Variants in PHLPP2 observed in about 807,000 individuals in gnomAD.
PHLPP2 encodes PH domain and leucine rich repeat protein phosphatase 2, also known as PH domain leucine-rich repeat-containing protein phosphatase 2.
PHLPP2 carries 66 observed loss-of-function variants against 124.9 expected under a neutral mutation model. The observed-to-expected ratio is 0.53, with a 90% CI of 0.43 to 0.65. PHLPP2 has a LOEUF of 0.65. PHLPP2 is among the 30% of genes least tolerant of loss of function. The pLI, the probability that PHLPP2 is intolerant of heterozygous loss-of-function variation, is 0.00. For missense variants in PHLPP2, 1,685 were observed against 1,600.4 expected, an observed-to-expected ratio of 1.05 and a Z score of -0.90; for synonymous variants, 681 against 624.7, an observed-to-expected ratio of 1.09 and a Z score of -1.34.
chr16:71,651,965 C>T (rs1322150597), intron 18 of PHLPP2, among the ~76,000 whole-genome samples: 9 of 152,096 alleles, frequency 5.9e-5, no homozygotes, highest in Non-Finnish European at 2.9e-5. Context: ...ATCTAGGTGA[C>T]CTTGGGTTTG....
intron 15 of PHLPP2, among the ~76,000 whole-genome samples, chr16:71,657,939 T>C (rs975451127): frequency 5.3e-5 from 8 of 152,218 alleles, no homozygotes; most frequent in East Asian, 1.9e-4. Flanking sequence ...ATGGATGAAC[T>C]TGTATTGTCT....
chr16:71,695,500 G>A (rs1013940367), intron 3 of PHLPP2, among the ~76,000 whole-genome samples: 5 of 152,168 alleles, frequency 3.3e-5, no homozygotes, highest in Non-Finnish European at 5.9e-5. Context: ...CCTGAGGTCA[G>A]GAGTTCAAGA....
rs112608192 is a variant in PHLPP2, at chr16:71,663,782, G to C, written c.1985+117C>G. On this transcript the variant is annotated intron_variant, in intron 13 of 18. Transcript: ENST00000568954. ...TTGCCACTCAACTAGTGAAATCATA[G>C]CATCTGTAAGTCAGTGAACGTAAAC... 0.016 allele frequency: 11,992 copies of C among 767,550 alleles called. 133 individuals are homozygous for C. The highest frequency in any genetic ancestry group is 0.019 in the Non-Finnish European group (8,851 of 455,456). 47.5% of individuals were successfully genotyped at this position (767,550 alleles called of 1,614,324 possible). A position where few individuals can be genotyped will look rare whatever the true frequency, so the allele number is the denominator to read the frequency against.
intron 2 of PHLPP2, among the ~76,000 whole-genome samples, chr16:71,707,251 G>A (rs780646789): frequency 8.6e-5 from 13 of 151,990 alleles, no homozygotes; most frequent in African/African-American, 2.4e-4. Flanking sequence ...CACCGCGCCC[G>A]GCCAAGATAC....
At chr16:71,667,919 A>G (rs1391015796) in intron 11 of PHLPP2, among the ~76,000 whole-genome samples, 1 of 152,180 alleles carries the variant, frequency 6.6e-6, no homozygotes, top group African/African-American at 2.4e-5. Flanking sequence ...ATAGAAAATA[A>G]CATTTTATAC....
At chr16:71,704,468 C>T (rs556564141) in intron 2 of PHLPP2, among the ~76,000 whole-genome samples, 3 of 151,820 alleles carry the variant, frequency 2.0e-5, no homozygotes, top group Non-Finnish European at 4.4e-5. Context: ...AACTACAAAG[C>T]TGAACATAAA....
chr16:71,669,354 C>T lies in PHLPP2; in HGVS notation c.1549G>A (p.Val517Ile). ...TTTGCTTCACAGGCCCAGTCAGGGA[C>T]ACACTCTAGCAGGTTTCTGCAGAAA... ...LDLSRNLLECVPDWACEAKKI... is the reference protein window; with the variant it reads ...LDLSRNLLECIPDWACEAKKI... The change falls in exon 11 of 19, where the codon GTC becomes ATC. Residue 517 changes from valine to isoleucine, a missense_variant. Val to Ile is a conservative substitution (Grantham distance 29). Transcript: ENST00000568954. The T allele has an allele frequency of 6.2e-7, 1 of 1,610,246 alleles. No homozygotes were observed. The highest frequency in any genetic ancestry group is 8.5e-7 in the Non-Finnish European group (1 of 1,178,206).
In PHLPP2 at chr16:71,648,490, C is replaced by G. The variant is rs1020175914; in HGVS notation, c.*400G>C. ...ATGGTTTAGAAATGTAGACGCAGGG[C>G]TGGGCATGGTGGCTGAGGCCTGTAA... On this transcript the variant is annotated 3_prime_UTR_variant, in exon 19 of 19. Coordinates refer to ENST00000568954, the MANE Select transcript of PHLPP2 (RefSeq NM_015020.3). The G allele has an allele frequency of 1.0e-5, 2 of 195,640 alleles. No homozygotes were observed. The highest frequency in any genetic ancestry group is 4.7e-5 in the African/African-American group (2 of 43,004). 12.1% of individuals were successfully genotyped at this position (195,640 alleles called of 1,614,324 possible).
At chr16:71,709,873 G>A (rs748701026) in intron 2 of PHLPP2, among the ~76,000 whole-genome samples, 6 of 151,840 alleles carry the variant, frequency 4.0e-5, no homozygotes, top group African/African-American at 7.3e-5. Flanking sequence ...TCTCTCTGTC[G>A]CCCAGGCTGG....
chr16:71,653,001 T>C lies in PHLPP2; in HGVS notation c.2606A>G (p.Gln869Arg), dbSNP rs139087912. The C allele has an allele frequency of 1.9e-5, 30 of 1,612,588 alleles. No individual in the cohort carries two copies. The African/African-American group carries it at 3.3e-4, about 18-fold the overall frequency. The stretch of plus-strand genomic sequence containing the variant: ...CAGGAGAGCGGAGGAGCCCAACTTC[T>C]GGCCAGCCATTCCTAATTTCCTGTT... Reference protein sequence around the residue: ...VSHRKLGMAGQKLGSSALLCY... With the variant: ...VSHRKLGMAGRKLGSSALLCY... The change falls in exon 18 of 19, where the codon CAG (glutamine) becomes CGG (arginine). Residue 869 changes from glutamine (Q) to arginine (R), a missense_variant. Transcript: ENST00000568954.
chr16:71,684,104 A>G (rs1333082980), intron 5 of PHLPP2, among the ~76,000 whole-genome samples: 1 of 147,478 alleles, frequency 6.8e-6, no homozygotes, highest in Admixed American at 6.9e-5. Context: ...CAGTTTCAAA[A>G]TACATTTCTC....
intron 2 of PHLPP2, among the ~76,000 whole-genome samples, chr16:71,704,307 C>CAAAAAAAAAAAAAAA (rs56882820): frequency 1.0e-5 from 1 of 98,714 alleles, no homozygotes; most frequent in African/African-American, 4.1e-5. Flanking sequence ...GACTCTGTCT[C>CAAAAAAAAAAAAAAA]AAAAAAAAAA....
intron 2 of PHLPP2, among the ~76,000 whole-genome samples, chr16:71,714,059 C>A (rs1425363196): frequency 1.3e-5 from 2 of 151,534 alleles, no homozygotes; most frequent in Admixed American, 1.3e-4. Context: ...CATATCTCAG[C>A]CTCCTGACTA....
chr16:71,685,889 T>G (rs763618898), intron 4 of PHLPP2, among the ~76,000 whole-genome samples: 1 of 152,252 alleles, frequency 6.6e-6, no homozygotes, highest in African/African-American at 2.4e-5. Context: ...TATATATAAC[T>G]TTGGAATTAT....
In PHLPP2 at chr16:71,681,744, C is replaced by G; in HGVS notation, c.890+7G>C. ...CAGGTTAGTCTGGAAACCCATTCTC[C>G]ACATACTTGTAGAGTGTATCGAGGC... On this transcript the variant is annotated splice_region_variant and intron_variant, in intron 6 of 18. Coordinates refer to ENST00000568954, the MANE Select transcript of PHLPP2 (RefSeq NM_015020.3). 8 of 1,600,894 alleles carry G rather than the reference C, an allele frequency of 5.0e-6. No individual in the cohort carries two copies. The highest frequency in any genetic ancestry group is 6.0e-6 in the Non-Finnish European group (7 of 1,173,770).
rs371382462 is a variant in PHLPP2, at chr16:71,658,616, C to G, written c.2148+37G>C. ...AATGTCATTCACTCTCCTGCCATTT[C>G]CCCCAATAAGGACATCATTCCAGCA... On this transcript the variant is annotated intron_variant, in intron 14 of 18. Transcript: ENST00000568954. 1.6e-5 allele frequency: 26 copies of G among 1,586,092 alleles called. No homozygotes were observed. In the African/African-American group the frequency reaches 3.4e-4, roughly 21 times the overall value.
intron 2 of PHLPP2, among the ~76,000 whole-genome samples, chr16:71,713,628 C>T (rs1788965899): frequency 6.6e-6 from 1 of 152,106 alleles, no homozygotes; most frequent in Admixed American, 6.5e-5. Flanking sequence ...AACACTACTG[C>T]AGCCATTAAA....
intron 8 of PHLPP2, chr16:71,677,849 T>C (rs931569365): frequency 1.3e-5 from 2 of 151,998 alleles, no homozygotes; most frequent in Non-Finnish European, 1.5e-5. Flanking sequence ...AACAGAAAAA[T>C]GGTCATTTAT....
rs748676411 is a variant in PHLPP2, at chr16:71,679,354, C to A, written c.1037+35G>T. 5.0e-6 allele frequency: 8 copies of A among 1,598,124 alleles called. 1 individual carries two copies. In the South Asian group the frequency reaches 8.8e-5, roughly 18 times the overall value. ...AACCCCAGGCAAGTTCCTTATTCTG[C>A]AAGGGAAAAGAGGAATCTAGTAAAA... On this transcript the variant is annotated intron_variant, in intron 7 of 18. Transcript: ENST00000568954.
Sources: allele counts gnomAD v4.1 joint callset (sites outside exome capture counted in the v4.1 genomes callset), GRCh38; gene constraint gnomAD v4.1.1; transcripts MANE v1.5; gene names NCBI Gene and HGNC (gene_info 2026-07-23, HGNC 2026-07-21).